MTUS2: variants seen among roughly 807,000 people sequenced by gnomAD.
MTUS2 encodes microtubule associated scaffold protein 2.
MTUS2 carries 40 observed loss-of-function variants against 114.1 expected under a neutral mutation model. The ratio of observed to expected loss-of-function variants is 0.35; its 90% CI spans 0.27 to 0.46. The LOEUF is 0.46. MTUS2 is among the 20% of genes least tolerant of loss of function. The pLI is 1.00. For missense variants in MTUS2, 1,679 were observed against 1,705.4 expected (o/e 0.98, Z 0.27); for synonymous variants, 688 against 672.0 (o/e 1.02, Z -0.37).
intron 3 of MTUS2, among the ~76,000 whole-genome samples, chr13:29,029,760 A>C (rs1886729207): frequency 1.3e-5 from 2 of 152,176 alleles, no homozygotes; most frequent in Admixed American, 1.3e-4. Context: ...GTGGTGAGAG[A>C]TGAGCAAGAG....
intron 5 of MTUS2, among the ~76,000 whole-genome samples, chr13:29,163,051 ATGTG>A (rs1277988923): frequency 2.0e-5 from 3 of 152,148 alleles, no homozygotes; most frequent in Non-Finnish European, 4.4e-5. Context: ...GTGCGCATGT[ATGTG>A]TGTGCTGTAA....
At chr13:29,205,562 C>G (rs1895150270) in intron 5 of MTUS2, among the ~76,000 whole-genome samples, 1 of 152,164 alleles carries the variant, frequency 6.6e-6, no homozygotes, top group Non-Finnish European at 1.5e-5. Context: ...TCACTCACTT[C>G]CCACCCATTC....
At chr13:28,997,948 T>A (rs1263618360) in intron 2 of MTUS2, among the ~76,000 whole-genome samples, 2 of 152,210 alleles carry the variant, frequency 1.3e-5, no homozygotes, top group Non-Finnish European at 2.9e-5. Flanking sequence ...GTTAGCTGGT[T>A]ATTTTGCTCG....
rs1882818005 is a variant in MTUS2, at chr13:28,951,723, C to T, written c.-242-72734C>T. 2.0e-5 allele frequency among the ~76,000 whole-genome samples: 3 copies of T among 152,080 alleles called. No homozygotes were observed. In the East Asian group the frequency reaches 5.8e-4, roughly 29 times the overall value. ...CTGAGGCACGAGAATTGCCAGAACC[C>T]AGGAGGTGGAGGTTGCAGTGAGCCA... is the stretch of plus-strand genomic sequence containing the variant. On this transcript the variant is annotated intron_variant, in intron 2 of 15. Coordinates refer to ENST00000612955, the MANE Select transcript of MTUS2 (RefSeq NM_001033602.4).
chr13:29,497,208 C>T (rs888192415), intron 12 of MTUS2, 30 bp from the exon 13 acceptor site: 11 of 1,600,584 alleles, frequency 6.9e-6, no homozygotes, highest in African/African-American at 1.3e-5. Flanking sequence ...GTAGTGGCCC[C>T]AGCTGGACTC....
At chr13:29,300,774 T>C (rs1411141328) in intron 6 of MTUS2, among the ~76,000 whole-genome samples, 1 of 152,188 alleles carries the variant, frequency 6.6e-6, no homozygotes, top group Admixed American at 6.5e-5. Flanking sequence ...AGGAAATGAA[T>C]GCAACCTAAT....
At position 29,040,576 on chromosome 13, in the gene MTUS2, C is replaced by A. The variant is rs372921139; in HGVS notation, c.2446+6451C>A. On this transcript the variant is annotated intron_variant, in intron 4 of 15. Coordinates refer to ENST00000612955, the MANE Select transcript of MTUS2 (RefSeq NM_001033602.4). ...TGATTTGTACTAGTTTACATTCCCA[C>A]CAGCAGTATATAAGTGTTCCCTTTT... is the stretch of plus-strand genomic sequence containing the variant. 5.3e-5 allele frequency among the ~76,000 whole-genome samples: 8 copies of A among 152,166 alleles called. No individual in the cohort carries two copies. The East Asian group carries it at 1.2e-3, about 22-fold the overall frequency.
At chr13:28,891,154 T>C (rs1349584994) in intron 2 of MTUS2, among the ~76,000 whole-genome samples, 1 of 152,220 alleles carries the variant, frequency 6.6e-6, no homozygotes, top group Non-Finnish European at 1.5e-5. Context: ...GGGATACGTT[T>C]TGCTTGTACT....
At chr13:29,050,243 C>CT (rs1887828995) in intron 4 of MTUS2, among the ~76,000 whole-genome samples, 3 of 152,126 alleles carry the variant, frequency 2.0e-5, no homozygotes, top group African/African-American at 7.2e-5. Context: ...TGTTAGGGAA[C>CT]TAGATACCCA....
chr13:29,011,525 CT>C (rs1375307816), intron 2 of MTUS2, among the ~76,000 whole-genome samples: 2 of 152,198 alleles, frequency 1.3e-5, no homozygotes, highest in Non-Finnish European at 2.9e-5. Flanking sequence ...AGCAATCTTA[CT>C]CATTTATCTC....
chr13:29,209,271 T>C (rs190679483), intron 5 of MTUS2, among the ~76,000 whole-genome samples: 1 of 152,342 alleles, frequency 6.6e-6, no homozygotes, highest in African/African-American at 2.4e-5. Context: ...TCCATTTGCA[T>C]GGAATATCTT....
intron 5 of MTUS2, among the ~76,000 whole-genome samples, chr13:29,281,077 G>A (rs1417580259): frequency 6.6e-6 from 1 of 152,120 alleles, no homozygotes. Context: ...AAGTAATTCA[G>A]GGTCCTCACA....
chr13:29,435,426 T>C (rs1469704180), intron 8 of MTUS2, among the ~76,000 whole-genome samples: 2 of 152,146 alleles, frequency 1.3e-5, no homozygotes, highest in African/African-American at 4.8e-5. Context: ...CTTGATCATA[T>C]TTCAGTCAAC....
intron 2 of MTUS2, among the ~76,000 whole-genome samples, chr13:28,850,436 G>T (rs900925576): frequency 1.3e-5 from 2 of 152,318 alleles, no homozygotes; most frequent in East Asian, 3.9e-4. Flanking sequence ...GCCAGCGACA[G>T]CCCTGCTGGG....
At position 29,033,950 on chromosome 13, in the gene MTUS2, A is replaced by G; in HGVS notation, c.2271A>G (p.Pro757=). 1 of 1,614,026 alleles carries G rather than the reference A, an allele frequency of 6.2e-7. No individual in the cohort carries two copies. The highest frequency in any genetic ancestry group is 1.1e-5 in the South Asian group (1 of 91,078). ...SPPYAHYEVP[P]TFYRSAMLLK... ...CCTATGCTCATTATGAAGTCCCTCC[A>G]ACTTTCTATCGGTCAGCCATGCTCC... The change falls in exon 4 of 16, where the codon CCA becomes CCG. Residue 757 remains proline, a synonymous_variant. Coordinates refer to ENST00000612955, the MANE Select transcript of MTUS2 (RefSeq NM_001033602.4).
In MTUS2 at chr13:29,077,854, G is replaced by A. The variant is rs147192510; in HGVS notation, c.2447-22919G>A. Among the ~76,000 whole-genome samples, 380 of 152,238 alleles carry A rather than the reference G, an allele frequency of 2.5e-3. 1 individual carries two copies. Among genetic ancestry groups the A allele is most frequent in the Middle Eastern group, 0.014 (4 of 294 alleles). ...TCAATATAATAGTAAAACTTAAAAC[G>A]CTATGATTTTAGTTGATTGAGATAT... On this transcript the variant is annotated intron_variant, in intron 4 of 15. Coordinates refer to ENST00000612955, the MANE Select transcript of MTUS2 (RefSeq NM_001033602.4).
intron 2 of MTUS2, among the ~76,000 whole-genome samples, chr13:28,945,758 A>G (rs1420086654): frequency 6.6e-6 from 1 of 152,046 alleles, no homozygotes; most frequent in Non-Finnish European, 1.5e-5. Flanking sequence ...ATTTTTACTT[A>G]CTCCATAGGT....
At chr13:28,912,054 GT>G (rs1223901230) in intron 2 of MTUS2, among the ~76,000 whole-genome samples, 3 of 151,986 alleles carry the variant, frequency 2.0e-5, no homozygotes, top group Non-Finnish European at 2.9e-5. Context: ...TGCTTCTGGA[GT>G]TTTTGTCATG....
intron 2 of MTUS2, among the ~76,000 whole-genome samples, chr13:28,859,152 T>A (rs987511111): frequency 2.0e-5 from 3 of 152,260 alleles, no homozygotes; most frequent in African/African-American, 7.2e-5. Context: ...TGTTGCTAGC[T>A]GCATTTTACA....
Sources: allele counts gnomAD v4.1 joint callset (sites outside exome capture counted in the v4.1 genomes callset), GRCh38; gene constraint gnomAD v4.1.1; transcripts MANE v1.5; gene names NCBI Gene and HGNC (gene_info 2026-07-23, HGNC 2026-07-21).